ACER3: variants seen among roughly 807,000 people sequenced by gnomAD.
The protein encoded by ACER3 is alkaline ceramidase 3.
In ACER3, 16 loss-of-function variants were observed where a neutral mutation model predicts 48.9. That is an observed-to-expected ratio of 0.33 (90% CI 0.22 to 0.50). ACER3 has a LOEUF of 0.50. Among genes scored for constraint, ACER3 ranks in the 20% least tolerant of loss-of-function variants. The pLI is 0.98. For missense variants in ACER3, 227 were observed against 326.0 expected (o/e 0.70, Z 2.34); for synonymous variants, 109 against 107.8 (o/e 1.01, Z -0.07).
At chr11:76,989,680 A>G (rs1474040411) in intron 5 of ACER3, among the ~76,000 whole-genome samples, 2 of 152,222 alleles carry the variant, frequency 1.3e-5, no homozygotes, top group African/African-American at 2.4e-5. Context: ...ACAAGAAGAC[A>G]ATAGTGAGAC....
intron 1 of ACER3, among the ~76,000 whole-genome samples, chr11:76,861,332 G>C (rs1003562139): frequency 5.3e-5 from 8 of 151,656 alleles, no homozygotes; most frequent in Non-Finnish European, 1.0e-4. Flanking sequence ...AGAGCAGTGG[G>C]AAGTGGGGAG....
In ACER3 at chr11:76,926,592, C is replaced by G. The variant is rs1946835640; in HGVS notation, c.139C>G (p.Pro47Ala). The stretch of plus-strand genomic sequence containing the variant: ...GAGTAACCTGATCATGATTATACCT[C>G]CAATGTTCGGTGCAGTTCAGAGTGT... ...TVSNLIMIIP[P>A]MFGAVQSVRD... Residue 47 changes from proline (P) to alanine (A), a missense_variant, in exon 2 of 11, where the codon CCA becomes GCA. By Grantham distance (27) the Pro-to-Ala change is conservative (BLOSUM62 -1). Transcript: ENST00000532485. 6.2e-7 allele frequency: 1 copy of G among 1,608,814 alleles called. No individual in the cohort carries two copies. Among genetic ancestry groups the G allele is most frequent in the African/African-American group, 1.3e-5 (1 of 74,848 alleles).
chr11:76,992,867 TC>T (rs1948831221), intron 6 of ACER3, among the ~76,000 whole-genome samples: 1 of 95,862 alleles, frequency 1.0e-5, no homozygotes. Context: ...TTCAACAATC[TC>T]CCCACCTTTT....
chr11:76,922,307 T>G (rs565942884), intron 1 of ACER3, among the ~76,000 whole-genome samples: 3 of 152,306 alleles, frequency 2.0e-5, no homozygotes, highest in Admixed American at 2.0e-4. Context: ...ACTTCCATAC[T>G]ATTGACATTT....
intron 1 of ACER3, among the ~76,000 whole-genome samples, chr11:76,882,378 T>C (rs1945551879): frequency 6.6e-6 from 1 of 152,162 alleles, no homozygotes; most frequent in African/African-American, 2.4e-5. Context: ...GTTGACTTAG[T>C]TTTTTCTCTG....
Position 76,953,971 on chromosome 11 carries a change from G to C in ACER3, c.215-5008G>C, listed in dbSNP as rs543799988. Among the ~76,000 whole-genome samples the C allele has an allele frequency of 5.4e-5, 8 of 147,692 alleles. No individual in the cohort carries two copies. In the South Asian group the frequency reaches 1.7e-3, roughly 31 times the overall value. On this transcript the variant is annotated intron_variant, in intron 2 of 10. Coordinates refer to ENST00000532485, the MANE Select transcript of ACER3 (RefSeq NM_018367.7). ...TCTTTTTTTTTTTTTTTTTGAGATG[G>C]AGTTTCACTCTTGTCGCCCAGGCTA...
At chr11:76,915,912 C>A (rs531023174) in intron 1 of ACER3, among the ~76,000 whole-genome samples, 18 of 152,306 alleles carry the variant, frequency 1.2e-4, no homozygotes, top group African/African-American at 4.3e-4. Flanking sequence ...AATCCAATCA[C>A]CTCCCACCAG....
intron 5 of ACER3, among the ~76,000 whole-genome samples, chr11:76,987,043 GC>G (rs1948700172): frequency 6.6e-6 from 1 of 152,162 alleles, no homozygotes; most frequent in Non-Finnish European, 1.5e-5. Flanking sequence ...TCCAGCCTAG[GC>G]AACAGAGTGA....
Position 76,991,807 on chromosome 11 carries a change from C to G in ACER3, c.438+1233C>G, listed in dbSNP as rs560370479. Reference sequence around the variant, plus strand: ...CTCTAGCCTGGGTGACAGAATGAAACTCTGTCTCAAAAAAAAAAAAAAAAA... The same window carrying G: ...CTCTAGCCTGGGTGACAGAATGAAAGTCTGTCTCAAAAAAAAAAAAAAAAA... On this transcript the variant is annotated intron_variant, in intron 6 of 10. Transcript: ENST00000532485. Among the ~76,000 whole-genome samples the G allele has an allele frequency of 7.2e-4, 67 of 92,610 alleles. No individual in the cohort carries two copies. In the Middle Eastern group the frequency reaches 0.042, roughly 58 times the overall value. 60.8% of individuals were successfully genotyped at this position (92,610 alleles called of 152,430 possible). A position where few individuals can be genotyped will look rare whatever the true frequency, so the allele number is the denominator to read the frequency against.
intron 6 of ACER3, 126 bp from the exon 7 acceptor site, chr11:76,998,637 C>A (rs1179973600): frequency 3.1e-6 from 2 of 638,588 alleles, no homozygotes; most frequent in Admixed American, 3.8e-5. Context: ...ACATTCTATT[C>A]TTTAAAATGT....
rs1949497138 is a variant in ACER3, at chr11:77,023,064, G to A, written c.*2737G>A. 1 of 398,316 alleles carries A rather than the reference G, an allele frequency of 2.5e-6. No individual in the cohort carries two copies. Among genetic ancestry groups the A allele is most frequent in the Admixed American group, 4.4e-5 (1 of 22,706 alleles). 24.7% of individuals were successfully genotyped at this position (398,316 alleles called of 1,614,324 possible). A position where few individuals can be genotyped will look rare whatever the true frequency, so the allele number is the denominator to read the frequency against. On this transcript the variant is annotated 3_prime_UTR_variant, in exon 11 of 11. Coordinates refer to ENST00000532485, the MANE Select transcript of ACER3 (RefSeq NM_018367.7). ...GGTTAAGCTGATTGTCACTCTGCCT[G>A]CCCACTACCTACTCCCCACCATGGT...
chr11:76,885,779 C>T (rs531627226), intron 1 of ACER3, among the ~76,000 whole-genome samples: 58 of 152,186 alleles, frequency 3.8e-4, no homozygotes, highest in African/African-American at 1.3e-3. Flanking sequence ...CTATGGGCTC[C>T]GGATTGTTTG....
At chr11:76,991,114 A>G (rs1283707007) in intron 6 of ACER3, among the ~76,000 whole-genome samples, 1 of 152,150 alleles carries the variant, frequency 6.6e-6, no homozygotes, top group African/African-American at 2.4e-5. Context: ...TCACTACTAC[A>G]CAGACTTCTA....
At chr11:76,897,559 C>T (rs748628546) in intron 1 of ACER3, among the ~76,000 whole-genome samples, 4 of 151,820 alleles carry the variant, frequency 2.6e-5, no homozygotes, top group Non-Finnish European at 5.9e-5. Context: ...AAAAAAAACA[C>T]GTGTTATTAT....
chr11:76,955,609 T>G (rs766256245), intron 2 of ACER3: 1 of 152,214 alleles, frequency 6.6e-6, no homozygotes. Flanking sequence ...AGAAGCAAGC[T>G]TCAGTGTCTT....
rs1949502195 is a variant in ACER3 at position 77,023,459 on chromosome 11, T to G, written c.*3132T>G. ...TGAATTAGCCAATGCCCTAAAAGCA[T>G]CTAACAATTTAAGGTTATCTTATGA... is the stretch of plus-strand genomic sequence containing the variant. On this transcript the variant is annotated 3_prime_UTR_variant, in exon 11 of 11. Transcript: ENST00000532485. 3.1e-6 allele frequency: 1 copy of G among 322,064 alleles called. No individual in the cohort carries two copies. The highest frequency in any genetic ancestry group is 2.1e-5 in the African/African-American group (1 of 47,476). The allele number at this position is 322,064 out of a possible 1,614,324, so 20.0% of individuals were successfully genotyped here.
At chr11:76,959,124 G>C in intron 3 of ACER3, 93 bp downstream of exon 3, 1 of 1,593,736 alleles carries the variant, frequency 6.3e-7, no homozygotes, top group Non-Finnish European at 8.5e-7. Context: ...GCTAAAAGAT[G>C]GGATTTGTAA....
In ACER3 at chr11:77,020,840, AGAG is replaced by A. The variant is rs1555024325; in HGVS notation, c.*514_*516del. 1 of 154,164 alleles carries A rather than the reference AGAG, an allele frequency of 6.5e-6. No individual in the cohort carries two copies. Among genetic ancestry groups the A allele is most frequent in the Middle Eastern group, 3.1e-3 (1 of 322 alleles). 9.5% of individuals were successfully genotyped at this position (154,164 alleles called of 1,614,324 possible). ...ATGGATGGTTCTCAAAGGTAAAAAA[AGAG>A]AGAGAAAGAGAGAGAGCTAGCTGTG... On this transcript the variant is annotated 3_prime_UTR_variant, in exon 11 of 11. Coordinates refer to ENST00000532485, the MANE Select transcript of ACER3 (RefSeq NM_018367.7).
At chr11:76,865,810 CTT>C (rs372481140) in intron 1 of ACER3, among the ~76,000 whole-genome samples, 133 of 130,608 alleles carry the variant, frequency 1.0e-3, no homozygotes, top group African/African-American at 3.4e-3. Flanking sequence ...TGCCCAGCAT[CTT>C]TTTTTTTTTT....
Sources: allele counts gnomAD v4.1 joint callset (sites outside exome capture counted in the v4.1 genomes callset), GRCh38; gene constraint gnomAD v4.1.1; transcripts MANE v1.5; gene names NCBI Gene and HGNC (gene_info 2026-07-23, HGNC 2026-07-21).